NRG3: variants seen among roughly 807,000 people sequenced by gnomAD.
The protein encoded by NRG3 is neuregulin 3.
NRG3 carries 31 observed loss-of-function variants against 66.9 expected under a neutral mutation model. That is an observed-to-expected ratio of 0.46 (90% CI 0.35 to 0.63). The LOEUF (loss-of-function observed/expected upper bound fraction) is 0.63. NRG3 is among the 20% of genes least tolerant of loss of function. The pLI, the probability that NRG3 is intolerant of heterozygous loss-of-function variation, is 0.00. For missense variants in NRG3, 910 were observed against 878.9 expected (o/e 1.04, Z -0.45); for synonymous variants, 393 against 359.4 (o/e 1.09, Z -1.06).
chr10:82,540,671 G>A (rs975473596), intron 2 of NRG3, among the ~76,000 whole-genome samples: 6 of 152,000 alleles, frequency 3.9e-5, no homozygotes, highest in Non-Finnish European at 1.5e-5. Flanking sequence ...GAAAAGTGAT[G>A]GAGGGATTAA....
chr10:82,587,945 T>C (rs1280804930), intron 2 of NRG3, among the ~76,000 whole-genome samples: 1 of 152,240 alleles, frequency 6.6e-6, no homozygotes, highest in East Asian at 1.9e-4. Flanking sequence ...TTTTACAAGA[T>C]TGAATTGCTA....
At chr10:82,782,340 C>T (rs1442964933) in intron 3 of NRG3, among the ~76,000 whole-genome samples, 1 of 152,154 alleles carries the variant, frequency 6.6e-6, no homozygotes, top group African/African-American at 2.4e-5. Context: ...CTGTCTCACC[C>T]TTCAACCTTT....
rs143817169 is a variant in NRG3, at chr10:82,752,807, G to A, written c.1027+14157G>A. On this transcript the variant is annotated intron_variant, in intron 3 of 8. Coordinates refer to ENST00000372141, the MANE Select transcript of NRG3 (RefSeq NM_001010848.4). ...AAGAAGACGCAGTATAAGTACAAGG[G>A]CCTTTTACCTGCCAGCACTTTGATC... Among the ~76,000 whole-genome samples the A allele has an allele frequency of 6.6e-5, 10 of 152,210 alleles. No individual in the cohort carries two copies. The South Asian group carries it at 1.7e-3, about 25-fold the overall frequency.
At chr10:82,672,790 C>T (rs1376585640) in intron 2 of NRG3, among the ~76,000 whole-genome samples, 2 of 152,288 alleles carry the variant, frequency 1.3e-5, no homozygotes, top group East Asian at 3.9e-4. Flanking sequence ...TACTCTGTCT[C>T]CTGGGCTGGA....
chr10:82,050,952 T>C (rs572043935), intron 1 of NRG3, among the ~76,000 whole-genome samples: 4 of 152,162 alleles, frequency 2.6e-5, no homozygotes, highest in South Asian at 2.1e-4. Context: ...TCTTTAACTT[T>C]AGAGGGAATT....
intron 1 of NRG3, among the ~76,000 whole-genome samples, chr10:82,177,440 T>A (rs1370082052): frequency 6.6e-6 from 1 of 152,170 alleles, no homozygotes; most frequent in East Asian, 1.9e-4. Context: ...CCATTAACAC[T>A]CAAGTTTAAT....
rs144888891 is a variant in NRG3, at chr10:82,846,337, G to T, written c.1028-19074G>T. 2.2e-3 allele frequency among the ~76,000 whole-genome samples: 328 copies of T among 152,256 alleles called. 3 individuals carry two copies. Among genetic ancestry groups the T allele is most frequent in the African/African-American group, 7.6e-3 (317 of 41,546 alleles). ...CCTGGAAGAGAAGATAAGACAACCT[G>T]CAATGCTTAGAGGATATTTAATTTC... On this transcript the variant is annotated intron_variant, in intron 3 of 8. Transcript: ENST00000372141.
intron 3 of NRG3, among the ~76,000 whole-genome samples, chr10:82,806,688 G>T (rs1461303827): frequency 6.6e-6 from 1 of 152,158 alleles, no homozygotes; most frequent in Non-Finnish European, 1.5e-5. Context: ...CTAATCAGGA[G>T]GGAAAAAGAG....
rs183594704 is a variant in NRG3, at chr10:82,085,600, G to A, written c.823+209437G>A. Among the ~76,000 whole-genome samples, 349 of 152,044 alleles carry A rather than the reference G, an allele frequency of 2.3e-3. 4 individuals carry two copies. The highest frequency in any genetic ancestry group is 8.1e-3 in the African/African-American group (337 of 41,442). ...TAGGAACCCCCTTCTTTGAAAACCAGCCTACTCCCATGGTCAAGACATTAA... is the reference window on the plus strand; with the variant it reads ...TAGGAACCCCCTTCTTTGAAAACCAACCTACTCCCATGGTCAAGACATTAA... On this transcript the variant is annotated intron_variant, in intron 1 of 8. Coordinates refer to ENST00000372141, the MANE Select transcript of NRG3 (RefSeq NM_001010848.4).
At chr10:82,612,267 C>T (rs981061530) in intron 2 of NRG3, among the ~76,000 whole-genome samples, 6 of 152,098 alleles carry the variant, frequency 3.9e-5, no homozygotes, top group East Asian at 3.9e-4. Flanking sequence ...AAATTCTTAA[C>T]GTTGTATGTC....
At chr10:82,367,899 G>A (rs1475950057) in intron 2 of NRG3, among the ~76,000 whole-genome samples, 2 of 152,070 alleles carry the variant, frequency 1.3e-5, no homozygotes, top group East Asian at 1.9e-4. Context: ...GGAAGCTGAG[G>A]CACAAGAGTC....
At chr10:81,892,442 T>C (rs1399570768) in intron 1 of NRG3, among the ~76,000 whole-genome samples, 1 of 152,088 alleles carries the variant, frequency 6.6e-6, no homozygotes, top group East Asian at 1.9e-4. Context: ...CTTAAGTAAA[T>C]GGAACTCTTA....
chr10:82,200,818 A>G (rs2133478030), intron 1 of NRG3, among the ~76,000 whole-genome samples: 1 of 152,226 alleles, frequency 6.6e-6, no homozygotes, highest in Non-Finnish European at 1.5e-5. Flanking sequence ...AAGGGCTTGC[A>G]ATGTCATGTC....
intron 4 of NRG3, among the ~76,000 whole-genome samples, chr10:82,888,273 C>A (rs1353064901): frequency 6.6e-6 from 1 of 152,136 alleles, no homozygotes; most frequent in Non-Finnish European, 1.5e-5. Flanking sequence ...CACACACACT[C>A]ACATAGCAAA....
At chr10:82,325,649 C>T (rs945843828) in intron 1 of NRG3, among the ~76,000 whole-genome samples, 1 of 151,120 alleles carries the variant, frequency 6.6e-6, no homozygotes, top group African/African-American at 2.4e-5. Context: ...TGTTTTCTTA[C>T]CTCTATTTCT....
At chr10:82,655,004 C>G (rs1292851690) in intron 2 of NRG3, among the ~76,000 whole-genome samples, 1 of 151,776 alleles carries the variant, frequency 6.6e-6, no homozygotes, top group Non-Finnish European at 1.5e-5. Flanking sequence ...CAGTAGTACA[C>G]AGTTTATTTT....
At chr10:82,408,085 C>CAGAAAGAAAGAA (rs71009807) in intron 2 of NRG3, among the ~76,000 whole-genome samples, 1,561 of 74,812 alleles carry the variant, frequency 0.021, 49 homozygotes, top group South Asian at 0.031. Flanking sequence ...GAGAGAGAGA[C>CAGAAAGAAAGAA]AGAAAGAAAG....
intron 6 of NRG3, among the ~76,000 whole-genome samples, chr10:82,969,346 C>T (rs1414672995): frequency 1.3e-5 from 2 of 152,178 alleles, no homozygotes; most frequent in South Asian, 4.1e-4. Context: ...AGGATATCAT[C>T]GCACTTTAAT....
chr10:82,897,739 C>T (rs1266522565), intron 4 of NRG3, among the ~76,000 whole-genome samples: 4 of 152,034 alleles, frequency 2.6e-5, no homozygotes, highest in Non-Finnish European at 5.9e-5. Context: ...AGACTGGTCT[C>T]GAACTCCAGA....
Sources: allele counts gnomAD v4.1 joint callset (sites outside exome capture counted in the v4.1 genomes callset), GRCh38; gene constraint gnomAD v4.1.1; transcripts MANE v1.5; gene names NCBI Gene and HGNC (gene_info 2026-07-23, HGNC 2026-07-21).